BSDC1: variants seen among roughly 807,000 people sequenced by gnomAD.
The protein encoded by BSDC1 is BSD domain containing 1.
In BSDC1, 29 loss-of-function variants were observed where a neutral mutation model predicts 56.0. That is an observed-to-expected ratio of 0.52 (90% confidence interval 0.39 to 0.71). The LOEUF is 0.71. BSDC1 is among the 30% of genes least tolerant of loss of function. The pLI, the probability that BSDC1 is intolerant of heterozygous loss-of-function variation, is 0.00. For synonymous variants in BSDC1, 210 were observed against 215.3 expected, an observed-to-expected ratio of 0.98 and a Z score of 0.21; for missense variants, 477 against 548.5, an observed-to-expected ratio of 0.87 and a Z score of 1.30.
Position 32,366,384 on chromosome 1 carries a change from C to G in BSDC1, c.*238G>C, listed in dbSNP as rs1283909654. The G allele has an allele frequency of 5.8e-6, 4 of 695,584 alleles. No individual in the cohort carries two copies. The highest frequency in any genetic ancestry group is 1.1e-5 in the Non-Finnish European group (4 of 380,734). The allele number at this position is 695,584 out of a possible 1,614,324, so 43.1% of individuals were successfully genotyped here. A position where few individuals can be genotyped will look rare whatever the true frequency, so the allele number is the denominator to read the frequency against. On this transcript the variant is annotated 3_prime_UTR_variant, in exon 11 of 11. Coordinates refer to ENST00000455895, the MANE Select transcript of BSDC1 (RefSeq NM_018045.8). ...CTGGTGAGGAGGATAGGTTTCCTCT[C>G]CCTTGGGTCATCCTATTGTTGGCAC...
Position 32,390,858 on chromosome 1 carries a change from C to T in BSDC1, c.72+3222G>A, listed in dbSNP as rs189343981. Among the ~76,000 whole-genome samples, 666 of 152,146 alleles carry T rather than the reference C, an allele frequency of 4.4e-3. 4 individuals carry two copies. Among genetic ancestry groups the T allele is most frequent in the African/African-American group, 0.015 (637 of 41,492 alleles). On this transcript the variant is annotated intron_variant, in intron 2 of 10. Coordinates refer to ENST00000455895, the MANE Select transcript of BSDC1 (RefSeq NM_018045.8). ...TCCAGGAAGTGGAGGTTGCAGAGAA[C>T]CATGTTTGCATCACTGCACTTCAGC...
At chr1:32,380,125 T>C (rs1023057762) in intron 5 of BSDC1, among the ~76,000 whole-genome samples, 2 of 152,220 alleles carry the variant, frequency 1.3e-5, no homozygotes, top group African/African-American at 4.8e-5. Flanking sequence ...GAGCTACTAC[T>C]GTGAGCCTTT....
intron 10 of BSDC1, chr1:32,367,872 A>G (rs1044202945): frequency 2.3e-5 from 23 of 1,005,588 alleles, no homozygotes; most frequent in Non-Finnish European, 2.7e-5. Flanking sequence ...GATCAATTCC[A>G]TGTTTTAGAT....
chr1:32,366,805 T>A, intron 10 of BSDC1, 151 bp from the exon 11 acceptor site: 1 of 1,394,152 alleles, frequency 7.2e-7, no homozygotes, highest in Non-Finnish European at 9.3e-7. Context: ...CCCCTAGTCT[T>A]AAGGAATGTG....
At chr1:32,382,466 AAAAAAAAC>A (rs981363896) in intron 4 of BSDC1, among the ~76,000 whole-genome samples, 6 of 151,330 alleles carry the variant, frequency 4.0e-5, no homozygotes, top group African/African-American at 1.2e-4. Context: ...CCTATTTCAA[AAAAAAAAC>A]AAAAAACAAA....
At chr1:32,381,336 G>T in intron 4 of BSDC1, 68 bp from the exon 5 acceptor site, 2 of 1,464,246 alleles carry the variant, frequency 1.4e-6, no homozygotes, top group Non-Finnish European at 1.9e-6. Flanking sequence ...CCCTTTCTCT[G>T]CCAGGATACT....
chr1:32,376,329 T>C lies in BSDC1; in HGVS notation c.1089A>G (p.Thr363=), dbSNP rs539863664. ...AGTTCAGCTCAAACACCCGTAAGTC[T>C]GTGGGCGCCTCCTCCCTCAGAGTCT... is the stretch of plus-strand genomic sequence containing the variant. ...RVETLREEAP[T]DLRVFELNSD... Residue 363 remains threonine (T), a synonymous_variant, in exon 9 of 11, where the codon ACA becomes ACG. Transcript: ENST00000455895. The C allele has an allele frequency of 6.2e-7, 1 of 1,604,576 alleles. No homozygotes were observed. Among genetic ancestry groups the C allele is most frequent in the South Asian group, 1.1e-5 (1 of 90,588 alleles).
chr1:32,392,522 T>G (rs2148147726), intron 2 of BSDC1, among the ~76,000 whole-genome samples: 1 of 152,220 alleles, frequency 6.6e-6, no homozygotes, highest in East Asian at 1.9e-4. Context: ...TTTCATAAGT[T>G]ATGATAAGAC....
chr1:32,376,805 G>C (rs116742813), intron 8 of BSDC1, 64 bp from the exon 9 acceptor site: 15 of 1,320,652 alleles, frequency 1.1e-5, no homozygotes, highest in Non-Finnish European at 1.5e-5. Context: ...AGACAACCTT[G>C]GAGCTCTCAA....
intron 3 of BSDC1, 159 bp downstream of exon 3, chr1:32,386,620 T>C (rs1370528152): frequency 2.0e-6 from 1 of 504,974 alleles, no homozygotes; most frequent in Non-Finnish European, 3.5e-6. Context: ...ATGCAGCTTG[T>C]TTGGTTGCCA....
intron 9 of BSDC1, chr1:32,369,399 C>T (rs1046554095): frequency 2.6e-5 from 21 of 812,200 alleles, no homozygotes; most frequent in Non-Finnish European, 3.5e-5. Flanking sequence ...GTCCCAGCTA[C>T]TCAGGAGGCT....
chr1:32,377,910 C>T (rs1642349764), intron 8 of BSDC1, 60 bp downstream of exon 8: 1 of 1,524,962 alleles, frequency 6.6e-7, no homozygotes, highest in Non-Finnish European at 8.9e-7. Flanking sequence ...AGAGCATGGC[C>T]CAGCCCAGAG....
rs1021624004 is a variant in BSDC1, at chr1:32,365,561, C to A, written c.*1061G>T. The A allele has an allele frequency of 6.5e-6, 1 of 152,720 alleles. No individual in the cohort carries two copies. The highest frequency in any genetic ancestry group is 1.5e-5 in the Non-Finnish European group (1 of 68,126). The allele number at this position is 152,720 out of a possible 1,614,324, so 9.5% of individuals were successfully genotyped here. A position where few individuals can be genotyped will look rare whatever the true frequency, so the allele number is the denominator to read the frequency against. Reference sequence around the variant, plus strand: ...AGATTCCTGCAGCCCCTCATTCCCCCAGAGGTGCAGCTTTACCAGAGTGGA... The same window carrying A: ...AGATTCCTGCAGCCCCTCATTCCCCAAGAGGTGCAGCTTTACCAGAGTGGA... On this transcript the variant is annotated 3_prime_UTR_variant, in exon 11 of 11. Coordinates refer to ENST00000455895, the MANE Select transcript of BSDC1 (RefSeq NM_018045.8).
rs180836589 is a variant in BSDC1, at chr1:32,378,478, T to C, written c.529-195A>G. Among the ~76,000 whole-genome samples the C allele has an allele frequency of 1.9e-3, 285 of 152,048 alleles. No homozygotes were observed. Among genetic ancestry groups the C allele is most frequent in the Non-Finnish European group, 3.5e-3 (239 of 67,972 alleles). On this transcript the variant is annotated intron_variant, in intron 6 of 10. Coordinates refer to ENST00000455895, the MANE Select transcript of BSDC1 (RefSeq NM_018045.8). The surrounding 1 kb of genome is among the most constrained non-coding windows in gnomAD (Gnocchi z 5.2). Reference sequence around the variant, plus strand: ...TTCCTAGTCCGGGTTGGCCAAGGAGTGAGAAAAGAACTCCCATCAGGCTTT... The same window carrying C: ...TTCCTAGTCCGGGTTGGCCAAGGAGCGAGAAAAGAACTCCCATCAGGCTTT...
chr1:32,387,010 G>A, intron 2 of BSDC1, 115 bp from the exon 3 acceptor site: 1 of 779,020 alleles, frequency 1.3e-6, no homozygotes, highest in East Asian at 2.5e-5. Flanking sequence ...CGGCAGGGGA[G>A]CTTCGGCTCA....
chr1:32,376,396 CCAG>C lies in BSDC1; in HGVS notation c.1019_1021del (p.Ala340del). The C allele has an allele frequency of 6.2e-7, 1 of 1,613,780 alleles. No individual in the cohort carries two copies. Among genetic ancestry groups the C allele is most frequent in the Non-Finnish European group, 8.5e-7 (1 of 1,179,718 alleles). ...CCTGGGCTCTGGGCCGCCGGTGTGG[CCAG>C]CAGGCGTTAGGGGCTTGGAGTGAAT... On this transcript the variant is annotated inframe_deletion, in exon 9 of 11. Coordinates refer to ENST00000455895, the MANE Select transcript of BSDC1 (RefSeq NM_018045.8).
intron 2 of BSDC1, among the ~76,000 whole-genome samples, chr1:32,393,276 C>G (rs1307402452): frequency 6.6e-6 from 1 of 152,202 alleles, no homozygotes; most frequent in East Asian, 1.9e-4. Context: ...AGCCAAATAT[C>G]ACTCATCCCA....
intron 4 of BSDC1, among the ~76,000 whole-genome samples, chr1:32,383,386 C>T (rs1642554101): frequency 6.7e-6 from 1 of 150,234 alleles, no homozygotes; most frequent in African/African-American, 2.5e-5. Context: ...GTCGGGGCTG[C>T]AATGAGCCAT....
intron 9 of BSDC1, among the ~76,000 whole-genome samples, chr1:32,370,553 C>A (rs1642038098): frequency 6.6e-6 from 1 of 151,814 alleles, no homozygotes; most frequent in Non-Finnish European, 1.5e-5. Context: ...CTTGTAATCC[C>A]AGCACTTTGG....
Sources: allele counts gnomAD v4.1 joint callset (sites outside exome capture counted in the v4.1 genomes callset), GRCh38; gene constraint gnomAD v4.1.1; non-coding constraint Gnocchi (gnomAD v3.1); transcripts MANE v1.5; gene names NCBI Gene and HGNC (gene_info 2026-07-23, HGNC 2026-07-21).